The following PPM1H variants were observed in gnomAD, a reference collection of about 807,000 sequenced individuals.
The protein encoded by PPM1H is protein phosphatase, Mg2+/Mn2+ dependent 1H, also known as protein phosphatase 1H.
A neutral mutation model predicts 54.9 loss-of-function variants in PPM1H; 27 were observed. That is an observed-to-expected ratio of 0.49 (90% CI 0.36 to 0.68). The LOEUF (loss-of-function observed/expected upper bound fraction) is 0.68. PPM1H is among the 30% of genes least tolerant of loss of function. PPM1H has a pLI of 0.00. For missense variants in PPM1H, 596 were observed against 667.8 expected (o/e 0.89, Z 1.19); for synonymous variants, 305 against 270.8 (o/e 1.13, Z -1.24).
intron 6 of PPM1H, among the ~76,000 whole-genome samples, chr12:62,697,850 G>C (rs557271593): frequency 1.3e-5 from 2 of 151,994 alleles, no homozygotes; most frequent in East Asian, 3.9e-4. Flanking sequence ...TATTTGTTAC[G>C]AGATAGCAAA....
intron 4 of PPM1H, among the ~76,000 whole-genome samples, chr12:62,751,443 G>A (rs1474191965): frequency 6.6e-6 from 1 of 152,224 alleles, no homozygotes; most frequent in East Asian, 1.9e-4. Context: ...TTTAAAATGG[G>A]TTTATTCAGA....
intron 3 of PPM1H, 37 bp downstream of exon 3, chr12:62,801,779 C>A (rs753004941): frequency 3.0e-5 from 48 of 1,606,488 alleles, no homozygotes; most frequent in Non-Finnish European, 7.7e-6. Context: ...CAGGCGCCAG[C>A]CTGGCCCTGC....
intron 8 of PPM1H, among the ~76,000 whole-genome samples, chr12:62,672,452 C>T (rs1304391340): frequency 6.6e-6 from 1 of 152,188 alleles, no homozygotes; most frequent in Non-Finnish European, 1.5e-5. Context: ...TAGATATTCT[C>T]AAACCTAAAT....
chr12:62,794,588 A>C (rs757972385), intron 3 of PPM1H, among the ~76,000 whole-genome samples: 5 of 152,156 alleles, frequency 3.3e-5, no homozygotes, highest in Non-Finnish European at 7.3e-5. Context: ...CCTCCCGGCT[A>C]TGTCCAGAGC....
chr12:62,934,106 A>C lies in PPM1H; in HGVS notation c.245+386T>G. Reference sequence around the variant, plus strand: ...TCTTCATCACGCGGGGGCGTCAACTATATTTTGGGAGGGTGGGGGTACAGA... The same window carrying C: ...TCTTCATCACGCGGGGGCGTCAACTCTATTTTGGGAGGGTGGGGGTACAGA... On this transcript the variant is annotated intron_variant, in intron 1 of 9. Transcript: ENST00000228705. The surrounding 1 kb of genome is among the most constrained non-coding windows in gnomAD (Gnocchi z 4.2). 5.8e-6 allele frequency: 1 copy of C among 171,212 alleles called. No homozygotes were observed. Among genetic ancestry groups the C allele is most frequent in the Non-Finnish European group, 1.2e-5 (1 of 80,870 alleles). 10.6% of individuals were successfully genotyped at this position (171,212 alleles called of 1,614,324 possible). A position where few individuals can be genotyped will look rare whatever the true frequency, so the allele number is the denominator to read the frequency against.
chr12:62,654,867 C>T (rs2075835731), intron 9 of PPM1H, among the ~76,000 whole-genome samples: 1 of 152,152 alleles, frequency 6.6e-6, no homozygotes, highest in Non-Finnish European at 1.5e-5. Context: ...TAAGGACAGC[C>T]CCGCCTGAGG....
intron 7 of PPM1H, among the ~76,000 whole-genome samples, chr12:62,692,741 C>T (rs1565758637): frequency 6.6e-6 from 1 of 152,162 alleles, no homozygotes; most frequent in Admixed American, 6.5e-5. Flanking sequence ...CGATTCTTAA[C>T]CAGAGACTGT....
Position 62,932,698 on chromosome 12 carries a change from G to T in PPM1H, c.245+1794C>A, listed in dbSNP as rs138391705. Among the ~76,000 whole-genome samples the T allele has an allele frequency of 7.7e-3, 1,016 of 132,178 alleles. 11 individuals carry two copies. Among genetic ancestry groups the T allele is most frequent in the African/African-American group, 0.026 (925 of 35,044 alleles). 86.7% of individuals were successfully genotyped at this position (132,178 alleles called of 152,430 possible). On this transcript the variant is annotated intron_variant, in intron 1 of 9. Coordinates refer to ENST00000228705, the MANE Select transcript of PPM1H (RefSeq NM_020700.2). ...TGCCCAGGCTGGAGTGCAATGGCGC[G>T]ATCTTGGCTCACTGCCATCTCTGCC...
intron 4 of PPM1H, among the ~76,000 whole-genome samples, chr12:62,772,213 A>G (rs766150472): frequency 6.6e-6 from 1 of 152,222 alleles, no homozygotes; most frequent in Non-Finnish European, 1.5e-5. Flanking sequence ...GCACCCTCTC[A>G]TTAATATAAC....
chr12:62,757,752 C>A (rs2120598792), intron 4 of PPM1H, among the ~76,000 whole-genome samples: 1 of 152,336 alleles, frequency 6.6e-6, no homozygotes, highest in South Asian at 2.1e-4. Flanking sequence ...TTCTGTGTCC[C>A]AATTTCTATG....
intron 2 of PPM1H, among the ~76,000 whole-genome samples, chr12:62,817,137 GAAAAAAAAAAAAACTAAAAAAAAGAAAAA>G (rs2076872877): frequency 1.5e-5 from 1 of 67,364 alleles, no homozygotes; most frequent in East Asian, 4.0e-4. Context: ...AAAAAAAAAA[GAAAAAAAAAAAAACTAAAAAAAAGAAAAA>G]AAAAAAAAAA....
intron 5 of PPM1H, among the ~76,000 whole-genome samples, chr12:62,724,258 T>C (rs567091695): frequency 2.0e-5 from 3 of 152,354 alleles, no homozygotes; most frequent in East Asian, 3.9e-4. Flanking sequence ...TTTGCTTTTC[T>C]CTTGTTAATC....
chr12:62,690,382 T>C (rs961689125), intron 7 of PPM1H, among the ~76,000 whole-genome samples: 4 of 152,154 alleles, frequency 2.6e-5, no homozygotes, highest in African/African-American at 9.7e-5. Flanking sequence ...AAAAGAAACT[T>C]ATCAACTCTA....
At chr12:62,826,680 G>T (rs1285520781) in intron 2 of PPM1H, among the ~76,000 whole-genome samples, 1 of 152,106 alleles carries the variant, frequency 6.6e-6, no homozygotes, top group African/African-American at 2.4e-5. Flanking sequence ...ATACATGAAA[G>T]AAATCTTTTG....
At chr12:62,863,263 A>G (rs1437165669) in intron 1 of PPM1H, among the ~76,000 whole-genome samples, 1 of 152,024 alleles carries the variant, frequency 6.6e-6, no homozygotes, top group African/African-American at 2.4e-5. Flanking sequence ...TCCTGGGCTC[A>G]AGCAATCCCC....
chr12:62,774,130 G>T (rs1267692240), intron 4 of PPM1H, among the ~76,000 whole-genome samples: 1 of 152,198 alleles, frequency 6.6e-6, no homozygotes, highest in Non-Finnish European at 1.5e-5. Context: ...AAATTTCAGA[G>T]CTGGAAAACA....
intron 2 of PPM1H, among the ~76,000 whole-genome samples, chr12:62,817,151 C>A (rs1019660164): frequency 0.034 from 1,915 of 56,898 alleles, no homozygotes; most frequent in Middle Eastern, 0.093. Context: ...AAAAAAAAAA[C>A]TAAAAAAAAG....
chr12:62,728,969 T>C (rs2076305395), intron 5 of PPM1H, among the ~76,000 whole-genome samples: 1 of 152,168 alleles, frequency 6.6e-6, no homozygotes, highest in East Asian at 1.9e-4. Flanking sequence ...TGCTTTGTGG[T>C]CAGCTGGCCA....
rs556340801 is a variant in PPM1H at position 62,878,004 on chromosome 12, TCTCCTGTCTCAGC to T, written c.246-45738_246-45726del. ...GCTCCGCCTCCAGGGTTCACACCAT[TCTCCTGTCTCAGC>T]CTCCTGAGTTGCTGAGACTACAGGC... On this transcript the variant is annotated intron_variant, in intron 1 of 9. Transcript: ENST00000228705. Among the ~76,000 whole-genome samples, 210 of 152,238 alleles carry T rather than the reference TCTCCTGTCTCAGC, an allele frequency of 1.4e-3. 1 individual carries two copies. Among genetic ancestry groups the T allele is most frequent in the African/African-American group, 4.9e-3 (204 of 41,538 alleles).
Sources: gnomAD v4.1 joint callset for allele counts (sites outside exome capture counted in the v4.1 genomes callset) on GRCh38, gnomAD v4.1.1 for gene constraint, Gnocchi (gnomAD v3.1) non-coding constraint, MANE v1.5 for transcripts, NCBI Gene and HGNC (gene_info 2026-07-23, HGNC 2026-07-21) for gene names.